Variants in CNTLN observed in about 807,000 individuals in gnomAD.
CNTLN encodes the protein centlein, centrosomal protein.
A neutral mutation model predicts 180.0 loss-of-function variants in CNTLN; 212 were observed. That is an observed-to-expected ratio of 1.18 (90% confidence interval 1.05 to 1.32). The LOEUF (loss-of-function observed/expected upper bound fraction) is 1.32. Among genes scored for constraint, CNTLN ranks in the 40% most tolerant of loss-of-function variants. The probability of loss-of-function intolerance (pLI) is 0.00; values close to 1 mark genes in which losing one functional copy is unlikely to be tolerated. For missense variants in CNTLN, 2,095 were observed against 1,610.9 expected, an observed-to-expected ratio of 1.30 and a Z score of -5.14; for synonymous variants, 722 against 563.1, an observed-to-expected ratio of 1.28 and a Z score of -3.99.
chr9:17,295,969 TGAGAGAGAGAGAGA>T (rs113148833), intron 6 of CNTLN, among the ~76,000 whole-genome samples: 2 of 119,812 alleles, frequency 1.7e-5, no homozygotes, highest in African/African-American at 6.5e-5. Flanking sequence ...TACTCTTCAG[TGAGAGAGAGAGAGA>T]GAGAGAGAGA....
intron 18 of CNTLN, among the ~76,000 whole-genome samples, chr9:17,456,669 C>A (rs1036110759): frequency 6.6e-6 from 1 of 152,056 alleles, no homozygotes; most frequent in African/African-American, 2.4e-5. Context: ...ATTTCAGTAT[C>A]ATTTTGTCTA....
intron 5 of CNTLN, 83 bp from the exon 6 acceptor site, chr9:17,273,650 G>C (rs1022062676): frequency 6.2e-5 from 43 of 695,724 alleles, no homozygotes; most frequent in Non-Finnish European, 9.2e-5. Flanking sequence ...CTGTCATTTT[G>C]TAGAATAATT....
At chr9:17,267,882 C>G (rs933745610) in intron 5 of CNTLN, among the ~76,000 whole-genome samples, 4 of 152,206 alleles carry the variant, frequency 2.6e-5, no homozygotes, top group Non-Finnish European at 5.9e-5. Context: ...TGGTTTTCAG[C>G]TCCATCAGGT....
At chr9:17,245,308 C>G (rs565419700) in intron 5 of CNTLN, among the ~76,000 whole-genome samples, 3 of 151,218 alleles carry the variant, frequency 2.0e-5, no homozygotes, top group East Asian at 3.9e-4. Context: ...GATGGATATA[C>G]TATTCTATGT....
the CNTLN span, among the ~76,000 whole-genome samples, chr9:17,519,975 G>C: frequency 1.3e-5 from 2 of 152,222 alleles, no homozygotes; most frequent in Admixed American, 6.5e-5. Flanking sequence ...CCTTCTCAGA[G>C]AGTGCAGGAG....
chr9:17,395,340 G>T (rs947068940), intron 15 of CNTLN, among the ~76,000 whole-genome samples: 33 of 152,138 alleles, frequency 2.2e-4, no homozygotes, highest in Non-Finnish European at 2.9e-5. Flanking sequence ...TTTTCATGCA[G>T]TCATGAGGCT....
Position 17,340,866 on chromosome 9 carries a change from C to A in CNTLN, c.1684C>A (p.Arg562Ser). 6.2e-6 allele frequency: 10 copies of A among 1,611,560 alleles called. No homozygotes were observed. Among genetic ancestry groups the A allele is most frequent in the Non-Finnish European group, 8.5e-6 (10 of 1,178,700 alleles). ...TGAGCTAAGAGATGCCCATGAAAAA[C>A]GCAAGGAACGGCTACAGATGTTACA... ...NDELRDAHEK[R>S]KERLQMLQTN... The change falls in exon 11 of 26, where the codon CGC becomes AGC. Residue 562 changes from arginine to serine, a missense_variant. Transcript: ENST00000380647.
chr9:17,152,754 G>A (rs754814658), intron 2 of CNTLN, among the ~76,000 whole-genome samples: 10 of 152,180 alleles, frequency 6.6e-5, no homozygotes, highest in Non-Finnish European at 1.3e-4. Flanking sequence ...GATATTGACA[G>A]TGGGGTGTCA....
chr9:17,236,515 A>C lies in CNTLN; in HGVS notation c.776A>C (p.Asn259Thr), dbSNP rs758510105. ...AGTACCCGCTGCACTGACCTGCTAAATGACCTGGAGAAATTGAGGAAGCAG... is the reference window on the plus strand; with the variant it reads ...AGTACCCGCTGCACTGACCTGCTAACTGACCTGGAGAAATTGAGGAAGCAG... The part of the protein sequence containing the change: ...KLSTRCTDLL[N>T]DLEKLRKQEA... Residue 259 changes from asparagine to threonine, a missense_variant, in exon 5 of 26, where the codon AAT becomes ACT. Coordinates refer to ENST00000380647, the MANE Select transcript of CNTLN (RefSeq NM_017738.4). 2 of 1,613,640 alleles carry C rather than the reference A, an allele frequency of 1.2e-6. No homozygotes were observed. The highest frequency in any genetic ancestry group is 2.7e-5 in the African/African-American group (2 of 74,914).
chr9:17,511,174 A>T, the CNTLN span, among the ~76,000 whole-genome samples: 3 of 152,276 alleles, frequency 2.0e-5, no homozygotes, highest in East Asian at 5.8e-4. Context: ...AAACCTGCTT[A>T]TGTGGTCTTT....
intron 5 of CNTLN, among the ~76,000 whole-genome samples, chr9:17,267,315 T>A (rs1250783644): frequency 6.6e-6 from 1 of 152,176 alleles, no homozygotes; most frequent in Non-Finnish European, 1.5e-5. Context: ...GTTGGCTGGA[T>A]ATGAAATTCT....
chr9:17,320,813 A>G lies in CNTLN; in HGVS notation c.1342-9819A>G, dbSNP rs1410439991. Among the ~76,000 whole-genome samples the G allele has an allele frequency of 3.9e-5, 6 of 152,228 alleles. No individual in the cohort carries two copies. In the South Asian group the frequency reaches 1.2e-3, roughly 32 times the overall value. On this transcript the variant is annotated intron_variant, in intron 8 of 25. Coordinates refer to ENST00000380647, the MANE Select transcript of CNTLN (RefSeq NM_017738.4). Reference sequence around the variant, plus strand: ...CCACCGTGTCTGGCCTCATTTATATATATTTATTCTGATCCCTGATTGTTT... The same window carrying G: ...CCACCGTGTCTGGCCTCATTTATATGTATTTATTCTGATCCCTGATTGTTT...
In CNTLN at chr9:17,200,252, A is replaced by G. The variant is rs141154354; in HGVS notation, c.450-25951A>G. Among the ~76,000 whole-genome samples, 1,440 of 152,248 alleles carry G rather than the reference A, an allele frequency of 9.5e-3. 19 individuals are homozygous for G. The highest frequency in any genetic ancestry group is 0.033 in the African/African-American group (1,357 of 41,538). ...TTTGGTTACTGTAGCCTTGTAGTATAGTTTGAAGTCAGGTAGCTTGGGGCC... is the reference window on the plus strand; with the variant it reads ...TTTGGTTACTGTAGCCTTGTAGTATGGTTTGAAGTCAGGTAGCTTGGGGCC... On this transcript the variant is annotated intron_variant, in intron 2 of 25. Transcript: ENST00000380647.
intron 5 of CNTLN, among the ~76,000 whole-genome samples, chr9:17,262,281 T>G (rs1827051155): frequency 6.6e-6 from 1 of 151,490 alleles, no homozygotes; most frequent in African/African-American, 2.5e-5. Flanking sequence ...CACACGTATG[T>G]TTATTGCAGC....
chr9:17,451,095 A>T (rs1266284596), intron 18 of CNTLN, among the ~76,000 whole-genome samples: 2 of 152,122 alleles, frequency 1.3e-5, no homozygotes, highest in Non-Finnish European at 2.9e-5. Context: ...GCAGAATTTT[A>T]TTTCTTTCAG....
At chr9:17,406,162 C>T (rs760144978) in intron 15 of CNTLN, among the ~76,000 whole-genome samples, 1 of 151,808 alleles carries the variant, frequency 6.6e-6, no homozygotes, top group Non-Finnish European at 1.5e-5. Context: ...AGCTTGATAC[C>T]ATCTTTGATT....
intron 2 of CNTLN, among the ~76,000 whole-genome samples, chr9:17,147,018 T>C (rs1356919661): frequency 6.6e-6 from 1 of 152,226 alleles, no homozygotes; most frequent in African/African-American, 2.4e-5. Flanking sequence ...AAGTGTATAA[T>C]GAACCTTCAC....
intron 10 of CNTLN, among the ~76,000 whole-genome samples, chr9:17,335,771 C>T (rs906666221): frequency 6.6e-6 from 1 of 151,684 alleles, no homozygotes; most frequent in Non-Finnish European, 1.5e-5. Flanking sequence ...AACCCTGTGT[C>T]TACTAAAAAT....
At chr9:17,204,011 A>G (rs1390229421) in intron 2 of CNTLN, among the ~76,000 whole-genome samples, 2 of 152,304 alleles carry the variant, frequency 1.3e-5, no homozygotes, top group East Asian at 1.9e-4. Context: ...CAGCTCCATC[A>G]GGTCATTTAT....
Sources: allele counts gnomAD v4.1 joint callset (sites outside exome capture counted in the v4.1 genomes callset), GRCh38; gene constraint gnomAD v4.1.1; transcripts MANE v1.5; gene names NCBI Gene and HGNC (gene_info 2026-07-23, HGNC 2026-07-21).